The following IPO8 variants were observed in gnomAD, a reference collection of about 807,000 sequenced individuals.
IPO8 encodes importin-8.
IPO8 carries 65 observed loss-of-function variants against 141.2 expected under a neutral mutation model. That is an observed-to-expected ratio of 0.46 (90% CI 0.38 to 0.57). The LOEUF (loss-of-function observed/expected upper bound fraction) is 0.57, where lower values mean the gene tolerates loss of function less well. Ranked by LOEUF, IPO8 falls within the 20% of genes least tolerant of loss-of-function variation. IPO8 has a pLI of 0.00. For synonymous variants in IPO8, 411 were observed against 420.3 expected (o/e 0.98, Z 0.27); for missense variants, 980 against 1,246.8 (o/e 0.79, Z 3.22).
At chr12:30,649,058 T>C in intron 20 of IPO8, 79 bp downstream of exon 20, 4 of 911,810 alleles carry the variant, frequency 4.4e-6, no homozygotes, top group African/African-American at 1.6e-5. Flanking sequence ...TTTTTCATCA[T>C]AATATAAATG....
At chr12:30,663,156 A>G (rs780570483) in intron 14 of IPO8, among the ~76,000 whole-genome samples, 3 of 152,050 alleles carry the variant, frequency 2.0e-5, no homozygotes, top group Non-Finnish European at 4.4e-5. Flanking sequence ...CCCTAAACTT[A>G]AATATGTGGA....
At chr12:30,659,178 C>A (rs971582160) in intron 16 of IPO8, among the ~76,000 whole-genome samples, 7 of 152,150 alleles carry the variant, frequency 4.6e-5, no homozygotes, top group Admixed American at 3.9e-4. Flanking sequence ...CCGCGCCGGG[C>A]CTTATCAAGC....
At chr12:30,674,121 C>G (rs755088143) in intron 7 of IPO8, 47 bp from the exon 8 acceptor site, 34 of 1,180,526 alleles carry the variant, frequency 2.9e-5, no homozygotes, top group South Asian at 2.7e-4. Flanking sequence ...ATTTTACAAA[C>G]AGCATGCTTG....
At chr12:30,688,890 C>G (rs1275293660) in intron 2 of IPO8, 1 of 152,124 alleles carries the variant, frequency 6.6e-6, no homozygotes, top group Admixed American at 6.6e-5. Context: ...CCCACAAGTA[C>G]CTAGATACAT....
chr12:30,693,365 G>GA (rs901354871), intron 1 of IPO8, among the ~76,000 whole-genome samples: 23 of 152,240 alleles, frequency 1.5e-4, no homozygotes, highest in Non-Finnish European at 2.4e-4. Flanking sequence ...ATGCTGGCCT[G>GA]AAAAAAATAT....
chr12:30,658,876 CTTTTTT>C (rs11337753), intron 16 of IPO8, among the ~76,000 whole-genome samples: 1 of 90,186 alleles, frequency 1.1e-5, no homozygotes, highest in South Asian at 3.8e-4. Context: ...AGTATCAAGC[CTTTTTT>C]TTTTTTTTTT....
Position 30,680,528 on chromosome 12 carries a change from A to C in IPO8, c.593T>G (p.Val198Gly). ...QLLPDSSYYS[V>G]LLQKQILKIF... ...TTTCAGAATTTGTTTCTGCAGTAAT[A>C]CAGAATAATAGGAGGAATCAGGAAG... Residue 198 changes from valine to glycine, a missense_variant, in exon 5 of 25, where the codon GTA (valine) becomes GGA (glycine). Physicochemically the swap from Val to Gly is moderately radical, Grantham distance 109. Around this residue, in one of 3 missense-constraint regions of IPO8, gnomAD observed 924 missense variants for 1,153.9 expected, o/e 0.80. Transcript: ENST00000256079. 1.2e-6 allele frequency: 2 copies of C among 1,612,372 alleles called. No individual in the cohort carries two copies. Among genetic ancestry groups the C allele is most frequent in the Non-Finnish European group, 1.7e-6 (2 of 1,178,976 alleles).
chr12:30,645,487 G>C (rs2136133334), intron 20 of IPO8, among the ~76,000 whole-genome samples: 1 of 151,226 alleles, frequency 6.6e-6, no homozygotes, highest in Admixed American at 6.6e-5. Flanking sequence ...ATTGGAAAAA[G>C]AACAACTAAA....
intron 20 of IPO8, among the ~76,000 whole-genome samples, chr12:30,641,197 A>G (rs996260070): frequency 1.3e-5 from 2 of 152,196 alleles, no homozygotes; most frequent in Non-Finnish European, 1.5e-5. Flanking sequence ...GAATATCTCC[A>G]CATGCTACTA....
intron 8 of IPO8, among the ~76,000 whole-genome samples, chr12:30,671,674 C>CAAAAAAA (rs71052423): frequency 8.9e-5 from 5 of 56,472 alleles, no homozygotes; most frequent in African/African-American, 3.7e-4. Context: ...GACTCTGCCT[C>CAAAAAAA]AAAAAAAAAA....
chr12:30,649,531 A>G (rs2052696416), intron 19 of IPO8, among the ~76,000 whole-genome samples: 1 of 152,200 alleles, frequency 6.6e-6, no homozygotes, highest in Non-Finnish European at 1.5e-5. Context: ...AAATGAAATC[A>G]AAACCAAAAC....
intron 8 of IPO8, among the ~76,000 whole-genome samples, chr12:30,672,794 T>A (rs893453406): frequency 6.6e-6 from 1 of 152,196 alleles, no homozygotes; most frequent in African/African-American, 2.4e-5. Context: ...AAATAACTTG[T>A]GAGAAATTCA....
At chr12:30,690,620 G>GCTACTCACTTATAT in intron 1 of IPO8, 43 bp from the exon 2 acceptor site, 3 of 1,069,478 alleles carry the variant, frequency 2.8e-6, no homozygotes, top group Non-Finnish European at 4.2e-6. Context: ...GGCAATATAA[G>GCTACTCACTTATAT]TGAGTAGCTT....
chr12:30,639,297 C>T (rs1339285668), intron 21 of IPO8, among the ~76,000 whole-genome samples: 8 of 151,852 alleles, frequency 5.3e-5, no homozygotes, highest in South Asian at 2.1e-4. Context: ...AAAATAAAAG[C>T]GGGAAAGGGC....
intron 1 of IPO8, among the ~76,000 whole-genome samples, chr12:30,693,876 G>A (rs1332453878): frequency 6.6e-6 from 1 of 152,098 alleles, no homozygotes; most frequent in Non-Finnish European, 1.5e-5. Context: ...ACCATCAAGA[G>A]TCTACGGCCA....
chr12:30,632,050 G>A (rs180746923), intron 23 of IPO8, 39 bp from the exon 24 acceptor site: 180 of 1,350,322 alleles, frequency 1.3e-4, no homozygotes, highest in Admixed American at 7.0e-4. Flanking sequence ...AGGGTACAGC[G>A]ACTATTAATT....
At chr12:30,642,273 G>A (rs2052585190) in intron 20 of IPO8, among the ~76,000 whole-genome samples, 1 of 151,998 alleles carries the variant, frequency 6.6e-6, no homozygotes. Context: ...ATAGGTACGG[G>A]GACTCCAAAA....
At position 30,649,162 on chromosome 12, in the gene IPO8, T is replaced by C. The variant is rs2052689037; in HGVS notation, c.2243A>G (p.Gln748Arg). ...AAKLLEVIIL[Q>R]CKGRGIDQCI... Reference sequence around the variant, plus strand: ...CTGATCAATTCCCCTTCCTTTGCACTGAAGAATGATGACTTCCAGAAGTTT... The same window carrying C: ...CTGATCAATTCCCCTTCCTTTGCACCGAAGAATGATGACTTCCAGAAGTTT... The change falls in exon 20 of 25, where the codon CAG becomes CGG. Residue 748 changes from glutamine (Q) to arginine (R), a missense_variant. This residue lies in a region of IPO8 where 924 missense variants were observed against 1,153.9 expected (regional missense o/e 0.80). Coordinates refer to ENST00000256079, the MANE Select transcript of IPO8 (RefSeq NM_006390.4). 1 of 1,613,066 alleles carries C rather than the reference T, an allele frequency of 6.2e-7. No individual in the cohort carries two copies. Among genetic ancestry groups the C allele is most frequent in the Non-Finnish European group, 8.5e-7 (1 of 1,179,164 alleles).
At chr12:30,644,274 G>T (rs2052611297) in intron 20 of IPO8, among the ~76,000 whole-genome samples, 1 of 151,840 alleles carries the variant, frequency 6.6e-6, no homozygotes. Flanking sequence ...CAGGAGGTAA[G>T]ATGGGAGGAT....
Sources: allele counts gnomAD v4.1 joint callset (sites outside exome capture counted in the v4.1 genomes callset), GRCh38; gene constraint gnomAD v4.1.1; regional missense constraint gnomAD v4.1.1; transcripts MANE v1.5; gene names NCBI Gene and HGNC (gene_info 2026-07-23, HGNC 2026-07-21).